ARMH4: variants seen among roughly 807,000 people sequenced by gnomAD.
ARMH4 encodes armadillo like helical domain containing 4.
In ARMH4, 49 loss-of-function variants were observed where a neutral mutation model predicts 61.9. The ratio of observed to expected loss-of-function variants is 0.79; its 90% confidence interval spans 0.63 to 1.00. The LOEUF is 1.00. Ranked by LOEUF, ARMH4 falls within the 50% of genes least tolerant of loss-of-function variation. ARMH4 has a pLI of 0.00. For missense variants in ARMH4, 934 were observed against 930.0 expected (o/e 1.00, Z -0.06); for synonymous variants, 368 against 341.5 (o/e 1.08, Z -0.85).
intron 5 of ARMH4, among the ~76,000 whole-genome samples, chr14:58,043,662 A>ATT (rs1201687377): frequency 2.6e-5 from 4 of 152,212 alleles, no homozygotes; most frequent in Non-Finnish European, 5.9e-5. Flanking sequence ...AGGAAGTCCA[A>ATT]TTGTCCCTGT....
chr14:58,049,070 T>C (rs1159712635), intron 5 of ARMH4, among the ~76,000 whole-genome samples: 1 of 151,836 alleles, frequency 6.6e-6, no homozygotes, highest in Admixed American at 6.6e-5. Context: ...ACCCCATCTC[T>C]ATTAAAAACA....
At chr14:58,048,055 A>G (rs571164351) in intron 5 of ARMH4, among the ~76,000 whole-genome samples, 3 of 152,296 alleles carry the variant, frequency 2.0e-5, no homozygotes, top group African/African-American at 7.2e-5. Flanking sequence ...GAAACTGTTA[A>G]AGTTACCAAT....
chr14:58,039,732 T>A (rs78615315), intron 5 of ARMH4, among the ~76,000 whole-genome samples: 4,561 of 152,266 alleles, frequency 0.03, 87 homozygotes, highest in Middle Eastern at 0.075. Context: ...ATTTCCTGCT[T>A]CTCATTCCTG....
chr14:58,061,185 T>A (rs1884520174), intron 5 of ARMH4, among the ~76,000 whole-genome samples: 1 of 152,152 alleles, frequency 6.6e-6, no homozygotes. Context: ...ACCCTAGCCC[T>A]GGGCTGGCTC....
chr14:58,142,990 GA>G (rs1471831967), intron 1 of ARMH4, among the ~76,000 whole-genome samples: 2 of 152,142 alleles, frequency 1.3e-5, no homozygotes, highest in African/African-American at 4.8e-5. Flanking sequence ...TACCATCTTG[GA>G]AATGGGTCCA....
chr14:58,139,068 C>T lies in ARMH4; in HGVS notation c.291G>A (p.Gln97=). 1 of 1,614,218 alleles carries T rather than the reference C, an allele frequency of 6.2e-7. No homozygotes were observed. Among genetic ancestry groups the T allele is most frequent in the Non-Finnish European group, 8.5e-7 (1 of 1,180,042 alleles). The part of the protein sequence containing the change: ...NKAFSINKET[Q]PGQAGLMQTE... ...TTTGCATGAGCCCAGCTTGTCCAGGCTGGGTTTCTTTGTTAATCGAGAATG... is the reference window on the plus strand; with the variant it reads ...TTTGCATGAGCCCAGCTTGTCCAGGTTGGGTTTCTTTGTTAATCGAGAATG... The change falls in exon 2 of 8, where the codon CAG becomes CAA. Residue 97 remains glutamine, a synonymous_variant. Coordinates refer to ENST00000267485, the MANE Select transcript of ARMH4 (RefSeq NM_001001872.4).
intron 2 of ARMH4, among the ~76,000 whole-genome samples, chr14:58,134,742 G>A (rs1887246267): frequency 6.6e-6 from 1 of 151,968 alleles, no homozygotes; most frequent in Non-Finnish European, 1.5e-5. Flanking sequence ...GGATCACAAG[G>A]TCAGGAGTTC....
At chr14:58,022,759 C>T (rs1227566995) in intron 5 of ARMH4, among the ~76,000 whole-genome samples, 1 of 152,176 alleles carries the variant, frequency 6.6e-6, no homozygotes, top group African/African-American at 2.4e-5. Flanking sequence ...GGCAAGCTGG[C>T]CCTTTGCCAT....
intron 5 of ARMH4, among the ~76,000 whole-genome samples, chr14:58,078,953 G>C (rs1234811132): frequency 6.6e-6 from 1 of 152,196 alleles, no homozygotes; most frequent in East Asian, 1.9e-4. Context: ...TTCTGGGAAA[G>C]TCTTTCTTCG....
intron 5 of ARMH4, among the ~76,000 whole-genome samples, chr14:58,091,381 A>C (rs1324296128): frequency 1.3e-5 from 2 of 152,180 alleles, no homozygotes; most frequent in African/African-American, 4.8e-5. Context: ...AAATGGGAAA[A>C]ACTTGTGTCA....
At position 58,043,145 on chromosome 14, in the gene ARMH4, C is replaced by T. The variant is rs145810400; in HGVS notation, c.2090-30995G>A. Among the ~76,000 whole-genome samples the T allele has an allele frequency of 4.9e-3, 747 of 152,106 alleles. 6 individuals carry two copies. Among genetic ancestry groups the T allele is most frequent in the African/African-American group, 0.016 (677 of 41,514 alleles). The stretch of plus-strand genomic sequence containing the variant: ...CTGATACCAAAGCCTGGCAGAGACA[C>T]GACAAAAAAATAGAATTTTAGACCA... On this transcript the variant is annotated intron_variant, in intron 5 of 7. Transcript: ENST00000267485.
At chr14:58,012,399 A>G (rs1882443174) in intron 5 of ARMH4, among the ~76,000 whole-genome samples, 2 of 152,170 alleles carry the variant, frequency 1.3e-5, no homozygotes, top group South Asian at 4.1e-4. Flanking sequence ...TGTTTTTTCT[A>G]TTATTATTGA....
At chr14:58,020,619 T>C (rs61072968) in intron 5 of ARMH4, among the ~76,000 whole-genome samples, 37,839 of 152,036 alleles carry the variant, frequency 0.25, 5,102 homozygotes, top group East Asian at 0.56. Context: ...GGGACTCTCT[T>C]TGTATATGTC....
At chr14:58,132,303 T>A (rs1438730359) in intron 3 of ARMH4, among the ~76,000 whole-genome samples, 2 of 152,226 alleles carry the variant, frequency 1.3e-5, no homozygotes, top group African/African-American at 4.8e-5. Context: ...TTTGTAGACA[T>A]GATTTCAAAT....
At chr14:58,065,467 C>A (rs1884673440) in intron 5 of ARMH4, among the ~76,000 whole-genome samples, 1 of 152,252 alleles carries the variant, frequency 6.6e-6, no homozygotes, top group African/African-American at 2.4e-5. Context: ...AGGTTCTATG[C>A]ATACTGCAAG....
chr14:58,084,386 G>A (rs1956344), intron 5 of ARMH4, among the ~76,000 whole-genome samples: 148,129 of 152,214 alleles, frequency 0.97, 72,203 homozygotes, highest in East Asian at 1. Context: ...TCTACTATTG[G>A]TCTATTTCCC....
chr14:58,110,880 G>T (rs993916300), intron 4 of ARMH4, among the ~76,000 whole-genome samples: 2 of 151,718 alleles, frequency 1.3e-5, no homozygotes, highest in South Asian at 4.2e-4. Flanking sequence ...CACACACCAC[G>T]CCCAGCTAAT....
intron 5 of ARMH4, among the ~76,000 whole-genome samples, chr14:58,095,529 A>G (rs1885719813): frequency 6.6e-6 from 1 of 152,186 alleles, no homozygotes; most frequent in Non-Finnish European, 1.5e-5. Context: ...ATGTTTTGAT[A>G]CCCTTATAAG....
intron 5 of ARMH4, among the ~76,000 whole-genome samples, chr14:58,078,168 G>T (rs968303170): frequency 2.6e-5 from 4 of 152,302 alleles, no homozygotes; most frequent in African/African-American, 9.6e-5. Flanking sequence ...ACTACCAGCA[G>T]GGCAGGGCAA....
Sources: gnomAD v4.1 joint callset for allele counts (sites outside exome capture counted in the v4.1 genomes callset) on GRCh38, gnomAD v4.1.1 for gene constraint, MANE v1.5 for transcripts, NCBI Gene and HGNC (gene_info 2026-07-23, HGNC 2026-07-21) for gene names.